The following TMEM91 variants were observed in gnomAD, a reference collection of about 807,000 sequenced individuals.
TMEM91 encodes dispanin subfamily C member 3.
Under a neutral mutation model 13.3 loss-of-function variants are expected in TMEM91, and 6 were observed. That is an observed-to-expected ratio of 0.45 (90% CI 0.25 to 0.89). The LOEUF (loss-of-function observed/expected upper bound fraction) is 0.89, where lower values mean the gene tolerates loss of function less well. Ranked by LOEUF, TMEM91 falls within the 40% of genes least tolerant of loss-of-function variation. TMEM91 has a pLI of 0.19. For missense variants in TMEM91, 193 were observed against 228.7 expected, an observed-to-expected ratio of 0.84 and a Z score of 1.01; for synonymous variants, 87 against 101.7, an observed-to-expected ratio of 0.86 and a Z score of 0.87.
intron 1 of TMEM91, chr19:41,377,270 G>A (rs1402168219): frequency 6.5e-6 from 1 of 152,954 alleles, no homozygotes; most frequent in Non-Finnish European, 1.5e-5. Context: ...GGTGTCTGTG[G>A]TTTGTGATGC....
chr19:41,368,429 G>A (rs537981889), intron 1 of TMEM91, among the ~76,000 whole-genome samples: 1 of 148,758 alleles, frequency 6.7e-6, no homozygotes, highest in Non-Finnish European at 1.5e-5. Context: ...TTTTTTTGGG[G>A]GGGGTGGTTA....
At chr19:41,377,762 G>A (rs1219287877) in intron 1 of TMEM91, among the ~76,000 whole-genome samples, 2 of 152,080 alleles carry the variant, frequency 1.3e-5, no homozygotes, top group East Asian at 3.9e-4. Flanking sequence ...TGTAATCCCA[G>A]CACTTTGGGA....
At chr19:41,369,282 ATTCTCCT>A in intron 1 of TMEM91, among the ~76,000 whole-genome samples, 1 of 152,024 alleles carries the variant, frequency 6.6e-6, no homozygotes, top group African/African-American at 2.4e-5. Context: ...GGTTCAAGTG[ATTCTCCT>A]GCCTCAGCCT....
intron 2 of TMEM91, among the ~76,000 whole-genome samples, chr19:41,382,523 T>C (rs1212894881): frequency 6.6e-6 from 1 of 152,168 alleles, no homozygotes; most frequent in Admixed American, 6.5e-5. Context: ...CTCGGGAAGC[T>C]GAGGCAGGAG....
intron 1 of TMEM91, among the ~76,000 whole-genome samples, chr19:41,371,311 C>CTTCT (rs1555758455): frequency 1.8e-5 from 2 of 111,914 alleles, no homozygotes; most frequent in Non-Finnish European, 3.7e-5. Context: ...CCACTATCCT[C>CTTCT]TCCTTCCTTC....
At chr19:41,382,984 CAA>C in intron 3 of TMEM91, 63 bp downstream of exon 3, 1 of 1,588,876 alleles carries the variant, frequency 6.3e-7, no homozygotes, top group African/African-American at 1.3e-5. Flanking sequence ...ACCACAAAAA[CAA>C]AGAGCCATAT....
chr19:41,371,311 C>CTCCCTTCCT (rs1555758456), intron 1 of TMEM91, among the ~76,000 whole-genome samples: 6 of 111,914 alleles, frequency 5.4e-5, no homozygotes, highest in Non-Finnish European at 1.1e-4. Context: ...CCACTATCCT[C>CTCCCTTCCT]TCCTTCCTTC....
intron 2 of TMEM91, among the ~76,000 whole-genome samples, chr19:41,378,823 TGAGAGAGAGA>T (rs1160229560): frequency 6.7e-5 from 3 of 44,658 alleles, no homozygotes; most frequent in Admixed American, 3.6e-4. Context: ...TGTGTGTGTG[TGAGAGAGAGA>T]GAGAGAGAGA....
upstream of TMEM91, among the ~76,000 whole-genome samples, chr19:41,372,034 T>A (rs1316598108): frequency 6.6e-6 from 1 of 151,242 alleles, no homozygotes; most frequent in Non-Finnish European, 1.5e-5. Flanking sequence ...AATTTTTTTT[T>A]AAGTTTTGGA....
intron 1 of TMEM91, among the ~76,000 whole-genome samples, chr19:41,369,506 TAAAAAAA>T (rs569474645): frequency 8.1e-6 from 1 of 123,318 alleles, no homozygotes; most frequent in Non-Finnish European, 1.6e-5. Context: ...ACTGCACCTC[TAAAAAAA>T]AAAAAAAAAG....
chr19:41,370,695 G>T (rs988681899), intron 1 of TMEM91, among the ~76,000 whole-genome samples: 1 of 151,470 alleles, frequency 6.6e-6, no homozygotes, highest in African/African-American at 2.4e-5. Flanking sequence ...GTGAGCCACC[G>T]TGCCTGGCCA....
intron 2 of TMEM91, among the ~76,000 whole-genome samples, chr19:41,381,445 C>T (rs1209920142): frequency 1.3e-5 from 2 of 149,296 alleles, no homozygotes; most frequent in African/African-American, 2.5e-5. Context: ...ACTGCAAGCT[C>T]TGCCTCCCGG....
At chr19:41,372,730 T>C (rs1436377187), upstream of TMEM91, among the ~76,000 whole-genome samples, 1 of 152,150 alleles carries the variant, frequency 6.6e-6, no homozygotes, top group African/African-American at 2.4e-5. Flanking sequence ...GTCCTGTTAA[T>C]GGTGATATTA....
chr19:41,380,312 A>G (rs907295683), intron 2 of TMEM91, among the ~76,000 whole-genome samples: 1 of 152,196 alleles, frequency 6.6e-6, no homozygotes, highest in East Asian at 1.9e-4. Flanking sequence ...TGAATATTGC[A>G]GCAAAGCAGA....
chr19:41,373,364 A>G (rs1327127950), upstream of TMEM91, among the ~76,000 whole-genome samples: 2 of 151,910 alleles, frequency 1.3e-5, no homozygotes, highest in Admixed American at 6.6e-5. Context: ...AGGATGGCCT[A>G]GAGGGATGAG....
intron 1 of TMEM91, among the ~76,000 whole-genome samples, chr19:41,364,787 TATTG>T: frequency 6.6e-6 from 1 of 152,056 alleles, no homozygotes; most frequent in East Asian, 1.9e-4. Context: ...TCCTCTTTCC[TATTG>T]ATTGATTTAT....
rs374552768 is a variant in TMEM91 at position 41,380,648 on chromosome 19, C to T, written c.211-2124C>T. On this transcript the variant is annotated intron_variant, in intron 2 of 3. Transcript: ENST00000392002. ...AAATTAGGCCAGGCGCGGTGGCTCA[C>T]GCCTGTAATCCCAGCACTTTGGGAG... 1.5e-3 allele frequency among the ~76,000 whole-genome samples: 220 copies of T among 151,634 alleles called. 1 individual carries two copies. Among genetic ancestry groups the T allele is most frequent in the African/African-American group, 5.1e-3 (211 of 41,306 alleles).
At chr19:41,382,949 G>A (rs369679620) in intron 3 of TMEM91, 28 bp downstream of exon 3, 4 of 1,212,916 alleles carry the variant, frequency 3.3e-6, no homozygotes, top group South Asian at 3.1e-5. Context: ...ACTTGGAGGG[G>A]ACTGGGCATA....
At chr19:41,372,488 A>T (rs2038639799), upstream of TMEM91, among the ~76,000 whole-genome samples, 2 of 150,824 alleles carry the variant, frequency 1.3e-5, no homozygotes. Flanking sequence ...GGCATGAGCC[A>T]CTGTACCTGG....
Sources: gnomAD v4.1 joint callset for allele counts (sites outside exome capture counted in the v4.1 genomes callset) on GRCh38, gnomAD v4.1.1 for gene constraint, MANE v1.5 for transcripts, NCBI Gene and HGNC (gene_info 2026-07-23, HGNC 2026-07-21) for gene names.